Variants in GSTZ1 observed in about 807,000 individuals in gnomAD.
GSTZ1 encodes the protein maleylacetoacetate isomerase.
A neutral mutation model predicts 35.9 loss-of-function variants in GSTZ1; 34 were observed. The ratio of observed to expected loss-of-function variants is 0.95; its 90% CI spans 0.72 to 1.26. GSTZ1 has a LOEUF of 1.26. Among genes scored for constraint, GSTZ1 ranks in the 50% most tolerant of loss-of-function variants. GSTZ1 has a pLI of 0.00. For synonymous variants in GSTZ1, 93 were observed against 101.2 expected (o/e 0.92, Z 0.49); for missense variants, 263 against 271.7 (o/e 0.97, Z 0.23).
In GSTZ1 at chr14:77,330,322, G is replaced by C. The variant is rs1013652619; in HGVS notation, c.487G>C (p.Asp163His). The C allele has an allele frequency of 2.5e-6, 4 of 1,613,640 alleles. No individual in the cohort carries two copies. In the African/African-American group the frequency reaches 5.3e-5, roughly 22 times the overall value. Reference sequence around the variant, plus strand: ...GGACCTCTTTCAGGTGACCATGGCTGATCTGTGCTTGGTGCCTCAGGTGGC... The same window carrying C: ...GGACCTCTTTCAGGTGACCATGGCTCATCTGTGCTTGGTGCCTCAGGTGGC... ...YCVGDEVTMA[D>H]LCLVPQVANA... Residue 163 changes from aspartate (D) to histidine (H), a missense_variant, in exon 8 of 9, where the codon GAT (aspartate) becomes CAT (histidine). Asp to His is a moderately conservative substitution (Grantham distance 81). Coordinates refer to ENST00000216465, the MANE Select transcript of GSTZ1 (RefSeq NM_145870.3).
At chr14:77,325,465 A>AT (rs773591566) in intron 2 of GSTZ1, 9 of 157,462 alleles carry the variant, frequency 5.7e-5, no homozygotes, top group Non-Finnish European at 1.1e-4. Context: ...TGTGTGCCTG[A>AT]TTCCATTTAA....
At chr14:77,324,444 C>T in intron 1 of GSTZ1, 1 of 685,466 alleles carries the variant, frequency 1.5e-6, no homozygotes, top group African/African-American at 1.8e-5. Flanking sequence ...CTGTGCCTGG[C>T]CAGAAATGCC....
intron 3 of GSTZ1, chr14:77,327,108 A>G (rs2139574269): frequency 1.7e-6 from 1 of 604,824 alleles, no homozygotes; most frequent in Non-Finnish European, 2.9e-6. Flanking sequence ...CCAGGTCCAG[A>G]CTGTGTACCC....
Position 77,331,347 on chromosome 14 carries a change from C to T in GSTZ1, c.*152C>T, listed in dbSNP as rs765257070. ...CTGCTGAAACTTGTTCCACCTCAGT[C>T]CCCTCATCTGTCACACGCATGTGGG... On this transcript the variant is annotated 3_prime_UTR_variant, in exon 9 of 9. Transcript: ENST00000216465. The T allele has an allele frequency of 2.2e-5, 19 of 854,892 alleles. No individual in the cohort carries two copies. Among genetic ancestry groups the T allele is most frequent in the Non-Finnish European group, 3.3e-5 (19 of 571,282 alleles). 53.0% of individuals were successfully genotyped at this position (854,892 alleles called of 1,614,324 possible).
At chr14:77,324,635 C>A in intron 1 of GSTZ1, 1 of 1,524,518 alleles carries the variant, frequency 6.6e-7, no homozygotes, top group Non-Finnish European at 8.8e-7. Flanking sequence ...ATGGAAGGCA[C>A]TCTCAGGCTA....
At chr14:77,327,665 T>G (rs1892396722) in intron 4 of GSTZ1, 113 bp downstream of exon 4, 1 of 805,952 alleles carries the variant, frequency 1.2e-6, no homozygotes, top group East Asian at 2.6e-5. Context: ...TAGGAGAGGC[T>G]CAATACAAGA....
chr14:77,329,865 A>T, intron 7 of GSTZ1, 58 bp downstream of exon 7: 1 of 1,291,148 alleles, frequency 7.7e-7, no homozygotes, highest in Non-Finnish European at 1.1e-6. Flanking sequence ...CCTCATGCTG[A>T]CCTCCCTCAA....
intron 1 of GSTZ1, chr14:77,323,434 C>T (rs1056442272): frequency 6.6e-6 from 1 of 152,130 alleles, no homozygotes; most frequent in African/African-American, 2.4e-5. Context: ...GTATCCTCCG[C>T]CTCCTGGGTT....
At chr14:77,324,628 G>A in intron 1 of GSTZ1, 1 of 1,528,970 alleles carries the variant, frequency 6.5e-7, no homozygotes, top group Non-Finnish European at 8.8e-7. Flanking sequence ...GCAAGGTATG[G>A]AAGGCACTCT....
At position 77,327,955 on chromosome 14, in the gene GSTZ1, G is replaced by A. The variant is rs1017428124; in HGVS notation, c.260G>A (p.Arg87Gln). ...CTAGAGGAGATGCGTCCCACTCCGC[G>A]ACTTCTGCCTCAGGACCCAAAGAAG... ...EYLEEMRPTP[R>Q]LLPQDPKKRA... is the part of the protein sequence containing the mutation. The change falls in exon 5 of 9, where the codon CGA (arginine) becomes CAA (glutamine). Residue 87 changes from arginine to glutamine, a missense_variant. Coordinates refer to ENST00000216465, the MANE Select transcript of GSTZ1 (RefSeq NM_145870.3). The A allele has an allele frequency of 1.2e-5, 20 of 1,613,842 alleles. No individual in the cohort carries two copies. Among genetic ancestry groups the A allele is most frequent in the African/African-American group, 4.0e-5 (3 of 74,910 alleles).
In GSTZ1 at chr14:77,331,052, G is replaced by T. The variant is rs889653565; in HGVS notation, c.525-17G>T. 6.2e-7 allele frequency: 1 copy of T among 1,611,312 alleles called. No individual in the cohort carries two copies. The highest frequency in any genetic ancestry group is 1.1e-5 in the South Asian group (1 of 90,904). On this transcript the variant is annotated splice_polypyrimidine_tract_variant and intron_variant, in intron 8 of 8. Transcript: ENST00000216465. The stretch of plus-strand genomic sequence containing the variant: ...GTCCCTGAAAACCTTAGCTTAGCAG[G>T]TGTTTCTCTACTACAGATTCAAGGT...
At chr14:77,327,041 C>A in intron 3 of GSTZ1, 136 bp downstream of exon 3, 1 of 686,264 alleles carries the variant, frequency 1.5e-6, no homozygotes, top group South Asian at 1.7e-5. Flanking sequence ...AGGCTGCTGG[C>A]TCTCCCTTGT....
At chr14:77,321,259 C>G in intron 1 of GSTZ1, 76 bp downstream of exon 1, 1 of 1,525,284 alleles carries the variant, frequency 6.6e-7, no homozygotes, top group South Asian at 1.2e-5. Flanking sequence ...CAGAAGTGAG[C>G]TGCACCGCCC....
At chr14:77,324,750 T>C in intron 1 of GSTZ1, 120 bp from the exon 2 acceptor site, 4 of 1,183,764 alleles carry the variant, frequency 3.4e-6, no homozygotes, top group Non-Finnish European at 5.0e-6. Flanking sequence ...CTGCCCTGAT[T>C]TGCACAGATG....
intron 1 of GSTZ1, chr14:77,324,351 T>C: frequency 1.9e-6 from 1 of 529,790 alleles, no homozygotes; most frequent in Non-Finnish European, 3.4e-6. Flanking sequence ...TTCACCATGT[T>C]GGCCAGGCTG....
At chr14:77,330,870 T>C (rs949663725) in intron 8 of GSTZ1, among the ~76,000 whole-genome samples, 199 bp from the exon 9 acceptor site, 6 of 152,000 alleles carry the variant, frequency 3.9e-5, no homozygotes, top group African/African-American at 1.4e-4. Flanking sequence ...CACAAAGAAA[T>C]AGGAACAGTA....
chr14:77,328,122 CG>C (rs2139577462), intron 5 of GSTZ1, 85 bp downstream of exon 5: 2 of 1,173,708 alleles, frequency 1.7e-6, no homozygotes, highest in Non-Finnish European at 1.2e-6. Flanking sequence ...AGTGTGGGGG[CG>C]GGGGTGTCAA....
intron 1 of GSTZ1, chr14:77,321,407 T>TA (rs1343536479): frequency 1.3e-6 from 2 of 1,529,160 alleles, no homozygotes; most frequent in Admixed American, 2.0e-5. Flanking sequence ...AGGGAGTGCG[T>TA]AGCAGGGTGG....
chr14:77,327,230 C>T (rs759859914), intron 3 of GSTZ1: 44 of 595,572 alleles, frequency 7.4e-5, no homozygotes, highest in Admixed American at 1.5e-4. Context: ...TTGGTGGCCA[C>T]GGTGTGAGAT....
Sources: allele counts gnomAD v4.1 joint callset (sites outside exome capture counted in the v4.1 genomes callset), GRCh38; gene constraint gnomAD v4.1.1; transcripts MANE v1.5; gene names NCBI Gene and HGNC (gene_info 2026-07-23, HGNC 2026-07-21).